Variants in RTN4 observed in about 807,000 individuals in gnomAD.
RTN4 encodes reticulon 4.
RTN4 carries 32 observed loss-of-function variants against 90.4 expected under a neutral mutation model. That is an observed-to-expected ratio of 0.35 (90% CI 0.27 to 0.48). The LOEUF (loss-of-function observed/expected upper bound fraction) is 0.48. Among genes scored for constraint, RTN4 ranks in the 20% least tolerant of loss-of-function variants. RTN4 has a pLI of 0.99. For missense variants in RTN4, 1,706 were observed against 1,430.2 expected, an observed-to-expected ratio of 1.19 and a Z score of -3.11; for synonymous variants, 629 against 552.5, an observed-to-expected ratio of 1.14 and a Z score of -1.94.
At chr2:55,089,138 G>A (rs1668893632) in intron 1 of RTN4, among the ~76,000 whole-genome samples, 1 of 152,048 alleles carries the variant, frequency 6.6e-6, no homozygotes, top group Non-Finnish European at 1.5e-5. Context: ...GGCCAGGCTG[G>A]TCTTGAACTC....
chr2:54,982,478 C>A (rs759936766), intron 5 of RTN4, 37 bp downstream of exon 5: 1 of 1,578,600 alleles, frequency 6.3e-7, no homozygotes, highest in South Asian at 1.2e-5. Flanking sequence ...ATACTAAATT[C>A]TGGGTATATC....
At chr2:55,135,444 T>C in the RTN4 span, among the ~76,000 whole-genome samples, 3 of 152,190 alleles carry the variant, frequency 2.0e-5, no homozygotes, top group African/African-American at 4.8e-5. Flanking sequence ...TGGTCTCAAG[T>C]GATCTGCCCA....
intron 3 of RTN4, among the ~76,000 whole-genome samples, chr2:55,019,787 T>C (rs1289044733): frequency 2.6e-5 from 4 of 152,208 alleles, no homozygotes; most frequent in African/African-American, 4.8e-5. Flanking sequence ...ACATTGTCCC[T>C]GTTTGCAGAT....
At chr2:55,024,941 C>T (rs1372673019) in intron 3 of RTN4, 145 bp downstream of exon 3, 3 of 1,011,600 alleles carry the variant, frequency 3.0e-6, no homozygotes, top group Non-Finnish European at 4.2e-6. Context: ...AGCACTAAAA[C>T]CTTTAACTGA....
intron 6 of RTN4, 80 bp from the exon 7 acceptor site, chr2:54,973,947 G>GCAACT: frequency 8.1e-7 from 1 of 1,233,686 alleles, no homozygotes; most frequent in Admixed American, 2.0e-5. Flanking sequence ...TATTAAACTG[G>GCAACT]CAACTCAAGA....
intron 1 of RTN4, among the ~76,000 whole-genome samples, chr2:55,086,347 G>A (rs1668837217): frequency 6.6e-6 from 1 of 151,960 alleles, no homozygotes; most frequent in African/African-American, 2.4e-5. Flanking sequence ...CTGTGTAACT[G>A]TTACCAAGAT....
intron 1 of RTN4, among the ~76,000 whole-genome samples, chr2:55,107,117 G>T (rs1170548675): frequency 6.6e-6 from 1 of 151,474 alleles, no homozygotes; most frequent in Admixed American, 6.6e-5. Context: ...TTTGTCTTAA[G>T]ATATTAATGA....
chr2:55,034,446 G>A (rs1174502980), intron 1 of RTN4, among the ~76,000 whole-genome samples: 1 of 152,126 alleles, frequency 6.6e-6, no homozygotes, highest in African/African-American at 2.4e-5. Context: ...AGGCTGCAGT[G>A]GGTTATGATC....
chr2:55,017,522 A>G (rs1681129593), intron 3 of RTN4, among the ~76,000 whole-genome samples: 1 of 152,214 alleles, frequency 6.6e-6, no homozygotes, highest in South Asian at 2.1e-4. Flanking sequence ...TCACTTACCA[A>G]TAGTTCCAAT....
At chr2:55,049,335 ACCT>A (rs564230350) in intron 1 of RTN4, 44 of 235,988 alleles carry the variant, frequency 1.9e-4, no homozygotes, top group African/African-American at 9.4e-4. Context: ...AGACAAAAGC[ACCT>A]CCTAAAAATA....
intron 1 of RTN4, chr2:55,049,522 T>C (rs574016758): frequency 1.3e-4 from 91 of 703,434 alleles, no homozygotes; most frequent in African/African-American, 1.2e-3. Context: ...GCGGTGCACG[T>C]GTTCCCCGAA....
At chr2:55,114,542 T>C (rs557084140), upstream of RTN4, among the ~76,000 whole-genome samples, 24 of 152,152 alleles carry the variant, frequency 1.6e-4, no homozygotes, top group African/African-American at 5.8e-4. Flanking sequence ...CTACTAAAAA[T>C]ACAAAAATTA....
At chr2:55,134,320 C>T in the RTN4 span, among the ~76,000 whole-genome samples, 1 of 152,056 alleles carries the variant, frequency 6.6e-6, no homozygotes, top group African/African-American at 2.4e-5. Context: ...ATCAGCATTC[C>T]CCTCTTCCCC....
intron 1 of RTN4, among the ~76,000 whole-genome samples, chr2:55,043,493 C>G (rs2920893): frequency 1.3e-5 from 2 of 151,890 alleles, no homozygotes; most frequent in Non-Finnish European, 2.9e-5. Flanking sequence ...TGGCTCACAC[C>G]TGTAATTTCA....
chr2:54,992,616 T>C (rs1679097295), intron 3 of RTN4, among the ~76,000 whole-genome samples: 1 of 152,062 alleles, frequency 6.6e-6, no homozygotes, highest in Non-Finnish European at 1.5e-5. Context: ...TTAAAAACTA[T>C]GTGAATCTAA....
chr2:54,983,428 A>ATT (rs1489285335), intron 4 of RTN4, among the ~76,000 whole-genome samples: 3 of 152,152 alleles, frequency 2.0e-5, no homozygotes, highest in African/African-American at 7.2e-5. Context: ...CAAAGAAGCC[A>ATT]TTTTATCTTG....
At chr2:55,071,546 A>G (rs1463965445) in intron 2 of RTN4, among the ~76,000 whole-genome samples, 1 of 93,972 alleles carries the variant, frequency 1.1e-5, no homozygotes, top group African/African-American at 6.8e-5. Context: ...TTGCCATCAA[A>G]AAAAAAAAAA....
Position 55,025,546 on chromosome 2 carries a change from T to C in RTN4, c.2553A>G (p.Ala851=). ...AAAACGTTTCAGTTTCTCTTATCTG[T>C]GCTTCCTTAGAAATAAATAAGTCAT... The part of the protein sequence containing the change: ...SNDDLFISKE[A]QIRETETFSD... Residue 851 remains alanine, a synonymous_variant, in exon 3 of 9, where the codon GCA becomes GCG. Transcript: ENST00000337526. 3 of 1,613,786 alleles carry C rather than the reference T, an allele frequency of 1.9e-6. No individual in the cohort carries two copies. The highest frequency in any genetic ancestry group is 1.7e-6 in the Non-Finnish European group (2 of 1,179,840).
chr2:55,120,648 GC>G, the RTN4 span, among the ~76,000 whole-genome samples: 1 of 152,066 alleles, frequency 6.6e-6, no homozygotes, highest in Non-Finnish European at 1.5e-5. Flanking sequence ...CCATTCTCAA[GC>G]AAGTGAAAAA....
Sources: allele counts gnomAD v4.1 joint callset (sites outside exome capture counted in the v4.1 genomes callset), GRCh38; gene constraint gnomAD v4.1.1; transcripts MANE v1.5; gene names NCBI Gene and HGNC (gene_info 2026-07-23, HGNC 2026-07-21).